PDE4D: variants seen among roughly 807,000 people sequenced by gnomAD.
The protein encoded by PDE4D is phosphodiesterase 4D.
Under a neutral mutation model 87.4 loss-of-function variants are expected in PDE4D, and 24 were observed. The ratio of observed to expected loss-of-function variants is 0.27; its 90% CI spans 0.20 to 0.39. The LOEUF is 0.39. PDE4D is among the 10% of genes least tolerant of loss of function. The pLI is 1.00. For missense variants in PDE4D, 714 were observed against 1,041.0 expected (o/e 0.69, Z 4.32); for synonymous variants, 384 against 383.2 (o/e 1.00, Z -0.02).
chr5:59,824,403 C>A (rs1260353765), intron 1 of PDE4D, among the ~76,000 whole-genome samples: 1 of 152,118 alleles, frequency 6.6e-6, no homozygotes, highest in African/African-American at 2.4e-5. Context: ...GAATGTAACC[C>A]TTCTGTGAGC....
chr5:58,974,965 C>T lies in PDE4D; in HGVS notation c.2129G>A (p.Ser710Asn), dbSNP rs764157419. 6.2e-7 allele frequency: 1 copy of T among 1,613,302 alleles called. No homozygotes were observed. Among genetic ancestry groups the T allele is most frequent in the South Asian group, 1.1e-5 (1 of 91,010 alleles). The change falls in exon 15 of 15, where the codon AGC becomes AAC. Residue 710 changes from serine to asparagine, a missense_variant. By Grantham distance (46) the Ser-to-Asn change is conservative. Around this residue, in one of 7 missense-constraint regions of PDE4D, gnomAD observed 97 missense variants for 176.9 expected, o/e 0.55. Coordinates refer to ENST00000340635, the MANE Select transcript of PDE4D (RefSeq NM_001104631.2). ...AGGAGAGGGGCTCTGAGGGATTGTG[C>T]TCTGGTACCATTCACGATTGTCCTC... is the stretch of plus-strand genomic sequence containing the variant. ...TLEDNREWYQ[S>N]TIPQSPSPAP... is the part of the protein sequence containing the mutation.
intron 1 of PDE4D, among the ~76,000 whole-genome samples, chr5:59,410,021 G>C (rs2607341): frequency 6.6e-6 from 1 of 152,082 alleles, no homozygotes; most frequent in Non-Finnish European, 1.5e-5. Flanking sequence ...AATCACATCA[G>C]GATAAATGGA....
intron 2 of PDE4D, among the ~76,000 whole-genome samples, chr5:60,154,694 A>T (rs2149448436): frequency 6.6e-6 from 1 of 152,352 alleles, no homozygotes; most frequent in South Asian, 2.1e-4. Context: ...GCAGCATATT[A>T]TCAGCACCCA....
At chr5:60,293,097 C>A (rs904373607) in intron 1 of PDE4D, among the ~76,000 whole-genome samples, 2 of 151,510 alleles carry the variant, frequency 1.3e-5, no homozygotes, top group African/African-American at 2.4e-5. Context: ...CCTCTGCCCC[C>A]CCAAGTTCAA....
intron 5 of PDE4D, among the ~76,000 whole-genome samples, chr5:59,149,205 T>C (rs1779108064): frequency 2.0e-5 from 3 of 152,180 alleles, no homozygotes; most frequent in African/African-American, 7.2e-5. Flanking sequence ...AGGACCAGTG[T>C]CTTAAAGTAA....
intron 1 of PDE4D, among the ~76,000 whole-genome samples, chr5:59,761,255 C>T (rs2150777019): frequency 6.6e-6 from 1 of 152,184 alleles, no homozygotes; most frequent in South Asian, 2.1e-4. Flanking sequence ...GAAAGTTGCT[C>T]TGGGTGACTC....
At chr5:60,460,976 G>A (rs557362179) in intron 1 of PDE4D, among the ~76,000 whole-genome samples, 1 of 151,570 alleles carries the variant, frequency 6.6e-6, no homozygotes, top group Non-Finnish European at 1.5e-5. Flanking sequence ...GACCCCCCAA[G>A]GAAGCTAATC....
intron 5 of PDE4D, among the ~76,000 whole-genome samples, chr5:59,081,611 G>T: frequency 6.6e-6 from 1 of 150,430 alleles, no homozygotes; most frequent in Admixed American, 6.6e-5. Context: ...TTGTCCATAT[G>T]GTTATACAAT....
At chr5:59,166,002 C>A (rs566944970) in intron 5 of PDE4D, among the ~76,000 whole-genome samples, 1 of 152,200 alleles carries the variant, frequency 6.6e-6, no homozygotes. Flanking sequence ...CTTCAAACCT[C>A]GTCCTCCAGC....
chr5:60,166,326 T>C (rs990213092), intron 2 of PDE4D, among the ~76,000 whole-genome samples: 3 of 152,144 alleles, frequency 2.0e-5, no homozygotes, highest in Admixed American at 1.3e-4. Flanking sequence ...CCATTGTAGT[T>C]ATCATGAGGC....
At chr5:60,031,115 AT>A (rs1253171945) in intron 2 of PDE4D, 2 of 152,266 alleles carry the variant, frequency 1.3e-5, no homozygotes, top group Non-Finnish European at 1.5e-5. Flanking sequence ...GTGAAAGAAT[AT>A]TTTCTGTTAG....
chr5:60,520,732 A>C (rs1203135935), intron 1 of PDE4D, among the ~76,000 whole-genome samples: 1 of 152,210 alleles, frequency 6.6e-6, no homozygotes, highest in Non-Finnish European at 1.5e-5. Flanking sequence ...CATGTTAGGA[A>C]GACACCTGCT....
At chr5:59,325,581 C>A (rs1184135503) in intron 1 of PDE4D, among the ~76,000 whole-genome samples, 1 of 152,114 alleles carries the variant, frequency 6.6e-6, no homozygotes, top group Non-Finnish European at 1.5e-5. Flanking sequence ...ATTGCTTGAG[C>A]ATATTCTTTA....
chr5:59,509,581 A>C (rs1444285283), intron 1 of PDE4D, among the ~76,000 whole-genome samples: 1 of 151,604 alleles, frequency 6.6e-6, no homozygotes, highest in Non-Finnish European at 1.5e-5. Flanking sequence ...TCTCAGGAGG[A>C]CAGTAAAAGG....
intron 1 of PDE4D, among the ~76,000 whole-genome samples, chr5:60,201,464 A>G (rs1158053792): frequency 6.6e-6 from 1 of 152,062 alleles, no homozygotes; most frequent in Non-Finnish European, 1.5e-5. Flanking sequence ...TTTAAAAAAC[A>G]TGTTTCTAAA....
chr5:59,906,044 G>A (rs781684802), intron 3 of PDE4D, among the ~76,000 whole-genome samples: 14 of 152,224 alleles, frequency 9.2e-5, no homozygotes, highest in Non-Finnish European at 1.9e-4. Flanking sequence ...TTACTGGAGG[G>A]CCTACTATGT....
intron 1 of PDE4D, among the ~76,000 whole-genome samples, chr5:59,807,757 C>G (rs1767903269): frequency 6.6e-6 from 1 of 152,214 alleles, no homozygotes; most frequent in South Asian, 2.1e-4. Flanking sequence ...CTTAAGTTGT[C>G]AAGGAAGTAG....
At chr5:58,986,791 G>T (rs1192304272) in intron 11 of PDE4D, among the ~76,000 whole-genome samples, 1 of 152,076 alleles carries the variant, frequency 6.6e-6, no homozygotes, top group Non-Finnish European at 1.5e-5. Flanking sequence ...AATAGAGCAG[G>T]TCCTCATTAC....
At chr5:59,414,876 G>GCA (rs1793330516) in intron 1 of PDE4D, among the ~76,000 whole-genome samples, 1 of 152,190 alleles carries the variant, frequency 6.6e-6, no homozygotes, top group Non-Finnish European at 1.5e-5. Context: ...TTTGGATCTG[G>GCA]CATGGAAGTT....
Sources: allele counts gnomAD v4.1 joint callset (sites outside exome capture counted in the v4.1 genomes callset), GRCh38; gene constraint gnomAD v4.1.1; regional missense constraint gnomAD v4.1.1; transcripts MANE v1.5; gene names NCBI Gene and HGNC (gene_info 2026-07-23, HGNC 2026-07-21).